Variants in GRIK2 observed in about 807,000 individuals in gnomAD.
GRIK2 encodes the protein glutamate ionotropic receptor kainate type subunit 2, also known as glutamate receptor ionotropic, kainate 2.
GRIK2 carries 32 observed loss-of-function variants against 100.3 expected under a neutral mutation model. That is an observed-to-expected ratio of 0.32 (90% CI 0.24 to 0.43). The LOEUF (loss-of-function observed/expected upper bound fraction) is 0.43, where lower values mean the gene tolerates loss of function less well. Ranked by LOEUF, GRIK2 falls within the 20% of genes least tolerant of loss-of-function variation. GRIK2 has a pLI of 1.00. For synonymous variants in GRIK2, 417 were observed against 389.4 expected, an observed-to-expected ratio of 1.07 and a Z score of -0.83; for missense variants, 843 against 1,114.9, an observed-to-expected ratio of 0.76 and a Z score of 3.47.
chr6:101,607,620 G>A (rs1406752364), intron 2 of GRIK2, among the ~76,000 whole-genome samples: 5 of 151,836 alleles, frequency 3.3e-5, no homozygotes, highest in Admixed American at 1.3e-4. Context: ...AATTTGTTTA[G>A]TAGTTTAAGC....
chr6:101,418,088 C>T (rs1562122975), intron 2 of GRIK2, among the ~76,000 whole-genome samples: 1 of 152,164 alleles, frequency 6.6e-6, no homozygotes, highest in Non-Finnish European at 1.5e-5. Context: ...CTTTTATCCA[C>T]AGATCTGAGA....
chr6:101,474,362 A>T (rs1288534317), intron 2 of GRIK2, among the ~76,000 whole-genome samples: 1 of 151,918 alleles, frequency 6.6e-6, no homozygotes, highest in African/African-American at 2.4e-5. Flanking sequence ...AACTGCACAG[A>T]GTATTTAATT....
At chr6:101,922,509 G>A (rs920441126) in intron 12 of GRIK2, among the ~76,000 whole-genome samples, 13 of 152,138 alleles carry the variant, frequency 8.5e-5, no homozygotes, top group African/African-American at 3.1e-4. Flanking sequence ...TAATTATCAA[G>A]AAATTAAAAT....
At chr6:101,433,743 T>G (rs921616692) in intron 2 of GRIK2, among the ~76,000 whole-genome samples, 3 of 152,174 alleles carry the variant, frequency 2.0e-5, no homozygotes, top group African/African-American at 7.2e-5. Context: ...CCCATAGAGA[T>G]GAGAACATTT....
intron 12 of GRIK2, among the ~76,000 whole-genome samples, chr6:101,899,485 T>G (rs534747163): frequency 2.0e-5 from 3 of 152,098 alleles, no homozygotes; most frequent in Admixed American, 6.6e-5. Context: ...TGAGCATTGA[T>G]TGAAACAGAC....
intron 8 of GRIK2, 80 bp from the exon 9 acceptor site, chr6:101,802,251 T>C (rs1352672478): frequency 8.0e-6 from 4 of 500,540 alleles, no homozygotes; most frequent in East Asian, 6.3e-5. Context: ...GTAATGAATA[T>C]AAGTTTCCTA....
chr6:101,583,789 T>G (rs182340384), intron 2 of GRIK2, among the ~76,000 whole-genome samples: 70 of 152,232 alleles, frequency 4.6e-4, no homozygotes, highest in African/African-American at 1.5e-3. Context: ...GGTGCTTTTG[T>G]TTGATGTTGT....
intron 15 of GRIK2, among the ~76,000 whole-genome samples, chr6:102,052,937 G>A (rs535768273): frequency 3.3e-5 from 5 of 151,866 alleles, no homozygotes; most frequent in African/African-American, 7.3e-5. Context: ...ATGAGGTGGC[G>A]GGCACCTGTC....
intron 2 of GRIK2, among the ~76,000 whole-genome samples, chr6:101,514,038 C>T (rs1325273624): frequency 6.6e-6 from 1 of 151,898 alleles, no homozygotes; most frequent in African/African-American, 2.4e-5. Flanking sequence ...AAAGAGATCA[C>T]AGAAATAAAC....
At chr6:101,708,367 T>G (rs1436572696) in intron 7 of GRIK2, among the ~76,000 whole-genome samples, 4 of 151,702 alleles carry the variant, frequency 2.6e-5, no homozygotes, top group African/African-American at 9.7e-5. Context: ...TTGCTTTTTG[T>G]GATACTACAT....
intron 12 of GRIK2, among the ~76,000 whole-genome samples, chr6:101,890,943 T>TC: frequency 6.6e-6 from 1 of 150,880 alleles, no homozygotes; most frequent in African/African-American, 2.4e-5. Context: ...TACACATAAT[T>TC]TTTCATGGAG....
intron 2 of GRIK2, among the ~76,000 whole-genome samples, chr6:101,500,391 G>A (rs2128273065): frequency 6.6e-6 from 1 of 152,148 alleles, no homozygotes; most frequent in Non-Finnish European, 1.5e-5. Flanking sequence ...CTGAGACTTA[G>A]AGTAATCTAT....
intron 10 of GRIK2, among the ~76,000 whole-genome samples, chr6:101,854,411 C>T (rs141915162): frequency 1.0e-3 from 158 of 152,212 alleles, no homozygotes; most frequent in Middle Eastern, 3.4e-3. Context: ...AGGCACCTGC[C>T]ACCACACCCG....
intron 14 of GRIK2, among the ~76,000 whole-genome samples, chr6:101,982,916 T>G (rs1224400398): frequency 1.3e-5 from 2 of 151,752 alleles, no homozygotes; most frequent in African/African-American, 4.8e-5. Flanking sequence ...GTAAATCAGC[T>G]TCTTTCTATA....
chr6:101,895,722 G>T (rs2518273), intron 12 of GRIK2, among the ~76,000 whole-genome samples: 18,282 of 151,388 alleles, frequency 0.12, 1,206 homozygotes, highest in Middle Eastern at 0.21. Context: ...CAAAAAAAAC[G>T]ATTTCAATTT....
At chr6:101,849,023 A>G (rs940259146) in intron 10 of GRIK2, among the ~76,000 whole-genome samples, 4 of 152,010 alleles carry the variant, frequency 2.6e-5, no homozygotes, top group Non-Finnish European at 5.9e-5. Context: ...TCTAATAAAA[A>G]TTTTTAGTTT....
intron 15 of GRIK2, among the ~76,000 whole-genome samples, chr6:102,047,305 T>G (rs1770945074): frequency 1.3e-5 from 2 of 151,912 alleles, no homozygotes; most frequent in South Asian, 4.1e-4. Context: ...AACCTTTTAC[T>G]AGGCTAAGGG....
chr6:101,654,192 G>A (rs964725196), intron 4 of GRIK2, among the ~76,000 whole-genome samples: 2 of 151,988 alleles, frequency 1.3e-5, no homozygotes, highest in African/African-American at 2.4e-5. Flanking sequence ...TATGAGTGGG[G>A]CTTAGAGTTC....
Position 102,012,693 on chromosome 6 carries a change from T to C in GRIK2, c.2086-22648T>C, listed in dbSNP as rs149903570. 5.1e-3 allele frequency among the ~76,000 whole-genome samples: 783 copies of C among 152,314 alleles called. 5 individuals carry two copies. Among genetic ancestry groups the C allele is most frequent in the Admixed American group, 7.0e-3 (107 of 15,296 alleles). On this transcript the variant is annotated intron_variant, in intron 14 of 16. Transcript: ENST00000369134. ...AGTAACTATCATTTGTATATTAACT[T>C]TGAATCCTAAAACCTTGTTCTAATT...
Sources: gnomAD v4.1 joint callset for allele counts (sites outside exome capture counted in the v4.1 genomes callset) on GRCh38, gnomAD v4.1.1 for gene constraint, MANE v1.5 for transcripts, NCBI Gene and HGNC (gene_info 2026-07-23, HGNC 2026-07-21) for gene names.